Variants in DPYD observed in about 807,000 individuals in gnomAD.
DPYD encodes the protein dihydropyrimidine dehydrogenase, also known as dihydropyrimidine dehydrogenase [NADP(+)].
Under a neutral mutation model 116.2 loss-of-function variants are expected in DPYD, and 109 were observed. The ratio of observed to expected loss-of-function variants is 0.94; its 90% confidence interval spans 0.80 to 1.10. The LOEUF is 1.10. DPYD is among the 50% of genes least tolerant of loss of function. DPYD has a pLI of 0.00. For synonymous variants in DPYD, 440 were observed against 432.0 expected (o/e 1.02, Z -0.23); for missense variants, 1,302 against 1,254.5 (o/e 1.04, Z -0.57).
chr1:97,081,822 T>C (rs576117842), intron 22 of DPYD, among the ~76,000 whole-genome samples: 1 of 151,976 alleles, frequency 6.6e-6, no homozygotes, highest in African/African-American at 2.4e-5. Context: ...CTCTTAGGCT[T>C]TTCCAGCTTC....
chr1:97,306,586 T>C (rs772100317), intron 16 of DPYD, among the ~76,000 whole-genome samples: 1 of 151,936 alleles, frequency 6.6e-6, no homozygotes, highest in Non-Finnish European at 1.5e-5. Context: ...GTTTCCCACT[T>C]TCAGTTAAAT....
At chr1:97,151,675 CAAAAATAA>C (rs983134097) in intron 20 of DPYD, among the ~76,000 whole-genome samples, 22 of 146,932 alleles carry the variant, frequency 1.5e-4, no homozygotes, top group African/African-American at 3.5e-4. Context: ...AAGTCTGTCT[CAAAAATAA>C]AAAAATAAAA....
In DPYD at chr1:97,573,894, C is replaced by T. The variant is rs868047175; in HGVS notation, c.1205G>A (p.Arg402Lys). The T allele has an allele frequency of 2.5e-6, 4 of 1,613,756 alleles. No homozygotes were observed. Among genetic ancestry groups the T allele is most frequent in the Non-Finnish European group, 3.4e-6 (4 of 1,179,744 alleles). ...SPRKVIVKGG[R>K]IVAMQFVRTE... ...CCGAACAAACTGCATAGCAACAATT[C>T]TCCCACCTTTTACTATAACCTTCCG... The change falls in exon 11 of 23, where the codon AGA becomes AAA. Residue 402 changes from arginine to lysine, a missense_variant. Coordinates refer to ENST00000370192, the MANE Select transcript of DPYD (RefSeq NM_000110.4).
At chr1:97,405,943 G>A (rs1412797176) in intron 14 of DPYD, among the ~76,000 whole-genome samples, 1 of 152,096 alleles carries the variant, frequency 6.6e-6, no homozygotes, top group Non-Finnish European at 1.5e-5. Context: ...AGCAGCGGGG[G>A]AATTTTCTCT....
chr1:97,140,435 A>T (rs922207667), intron 20 of DPYD, among the ~76,000 whole-genome samples: 16 of 152,146 alleles, frequency 1.1e-4, no homozygotes, highest in African/African-American at 3.1e-4. Flanking sequence ...AGAAGGTATC[A>T]CCAGGGAGAC....
At chr1:97,523,937 T>C (rs943415296) in intron 12 of DPYD, among the ~76,000 whole-genome samples, 1 of 152,178 alleles carries the variant, frequency 6.6e-6, no homozygotes, top group Non-Finnish European at 1.5e-5. Flanking sequence ...CCACTGGAAC[T>C]GTACACTTAA....
At chr1:97,599,337 T>C (rs1284482218) in intron 8 of DPYD, among the ~76,000 whole-genome samples, 1 of 152,190 alleles carries the variant, frequency 6.6e-6, no homozygotes, top group Admixed American at 6.5e-5. Flanking sequence ...TCTTTCCTTG[T>C]GCTCACATAA....
At chr1:97,432,342 C>G (rs1396485582) in intron 14 of DPYD, among the ~76,000 whole-genome samples, 1 of 152,114 alleles carries the variant, frequency 6.6e-6, no homozygotes. Context: ...TTCACTGATT[C>G]CTTCCTCCAT....
At chr1:97,653,964 G>T (rs1004661329) in intron 8 of DPYD, among the ~76,000 whole-genome samples, 3 of 152,174 alleles carry the variant, frequency 2.0e-5, no homozygotes, top group Non-Finnish European at 2.9e-5. Context: ...CTCTGTTGAA[G>T]TCTGAACTTT....
rs187705243 is a variant in DPYD at position 97,359,916 on chromosome 1, C to G, written c.2058+13645G>C. ...CTGCATCAAGTAACAGGCAAAATAACCAGCTAACATCATAATGACAGGATC... is the reference window on the plus strand; with the variant it reads ...CTGCATCAAGTAACAGGCAAAATAAGCAGCTAACATCATAATGACAGGATC... On this transcript the variant is annotated intron_variant, in intron 16 of 22. Transcript: ENST00000370192. Among the ~76,000 whole-genome samples, 397 of 152,256 alleles carry G rather than the reference C, an allele frequency of 2.6e-3. 1 individual carries two copies. The highest frequency in any genetic ancestry group is 9.1e-3 in the African/African-American group (377 of 41,538).
At chr1:97,120,586 TA>T (rs989892647) in intron 20 of DPYD, among the ~76,000 whole-genome samples, 6 of 152,152 alleles carry the variant, frequency 3.9e-5, no homozygotes, top group Non-Finnish European at 7.3e-5. Flanking sequence ...TTAATTTATC[TA>T]AAAAATCCTA....
At chr1:97,218,630 C>T (rs1660573661) in intron 19 of DPYD, among the ~76,000 whole-genome samples, 2 of 151,044 alleles carry the variant, frequency 1.3e-5, no homozygotes, top group South Asian at 4.2e-4. Context: ...TAATCTTGGA[C>T]GATGGTTAGG....
chr1:97,173,454 A>AGT (rs1395367939), intron 20 of DPYD, among the ~76,000 whole-genome samples: 5 of 133,416 alleles, frequency 3.7e-5, no homozygotes, highest in Non-Finnish European at 6.2e-5. Context: ...ATGTAAAATG[A>AGT]GTATATATAT....
intron 3 of DPYD, among the ~76,000 whole-genome samples, chr1:97,783,368 T>C (rs992089425): frequency 6.6e-6 from 1 of 152,042 alleles, no homozygotes; most frequent in Non-Finnish European, 1.5e-5. Flanking sequence ...TACAGCTTTG[T>C]TATTTTATTT....
Position 97,518,644 on chromosome 1 carries a change from C to T in DPYD, c.1525-2703G>A, listed in dbSNP as rs74860829. 5.3e-3 allele frequency among the ~76,000 whole-genome samples: 805 copies of T among 152,218 alleles called. 4 individuals are homozygous for T. Among genetic ancestry groups the T allele is most frequent in the African/African-American group, 0.018 (748 of 41,538 alleles). ...ACTCTTTTATCTCATCATATTCCCT[C>T]CTAACAAATATGTTATTTAGATTTT... On this transcript the variant is annotated intron_variant, in intron 12 of 22. Transcript: ENST00000370192.
chr1:97,135,950 C>A (rs1270609974), intron 20 of DPYD, among the ~76,000 whole-genome samples: 1 of 152,160 alleles, frequency 6.6e-6, no homozygotes, highest in Admixed American at 6.5e-5. Flanking sequence ...AAGAACACAG[C>A]CAGGATCACC....
At chr1:97,154,976 C>T (rs552323542) in intron 20 of DPYD, among the ~76,000 whole-genome samples, 21 of 152,132 alleles carry the variant, frequency 1.4e-4, no homozygotes, top group Admixed American at 2.6e-4. Context: ...TGTACTCACC[C>T]TAAGTAAGTT....
In DPYD at chr1:97,798,771, G is replaced by A. The variant is rs575321346; in HGVS notation, c.233+29343C>T. On this transcript the variant is annotated intron_variant, in intron 3 of 22. Coordinates refer to ENST00000370192, the MANE Select transcript of DPYD (RefSeq NM_000110.4). The stretch of plus-strand genomic sequence containing the variant: ...TTATCTTTTAATAAATGCATCTAAA[G>A]TATTTTTAAATGTATTCACTTCAGT... Among the ~76,000 whole-genome samples the A allele has an allele frequency of 2.6e-5, 4 of 151,944 alleles. No homozygotes were observed. The East Asian group carries it at 7.7e-4, about 29-fold the overall frequency.
intron 6 of DPYD, among the ~76,000 whole-genome samples, chr1:97,694,081 G>A (rs1478659178): frequency 2.6e-5 from 4 of 152,138 alleles, no homozygotes; most frequent in Non-Finnish European, 5.9e-5. Flanking sequence ...ATGGAAGCCA[G>A]GCTGCTGGAG....
Sources: allele counts gnomAD v4.1 joint callset (sites outside exome capture counted in the v4.1 genomes callset), GRCh38; gene constraint gnomAD v4.1.1; transcripts MANE v1.5; gene names NCBI Gene and HGNC (gene_info 2026-07-23, HGNC 2026-07-21).